NRF1: variants seen among roughly 807,000 people sequenced by gnomAD.
NRF1 encodes nuclear respiratory factor 1.
NRF1 carries 5 observed loss-of-function variants against 58.5 expected under a neutral mutation model. The observed-to-expected ratio is 0.09, with a 90% CI of 0.04 to 0.18. NRF1 has a LOEUF of 0.18. NRF1 is among the 10% of genes least tolerant of loss of function. The pLI is 1.00. For missense variants in NRF1, 288 were observed against 657.7 expected (o/e 0.44, Z 6.15); for synonymous variants, 224 against 246.7 (o/e 0.91, Z 0.86).
chr7:129,615,586 A>G (rs775103158), intron 1 of NRF1, among the ~76,000 whole-genome samples: 1 of 152,254 alleles, frequency 6.6e-6, no homozygotes, highest in Non-Finnish European at 1.5e-5. Context: ...TAGTGTTTTC[A>G]GCCTGAGCTT....
chr7:129,695,239 A>T (rs1473127293), intron 5 of NRF1, among the ~76,000 whole-genome samples: 4 of 152,096 alleles, frequency 2.6e-5, no homozygotes, highest in African/African-American at 9.7e-5. Flanking sequence ...AACATAAAAC[A>T]TGCCCACCTC....
intron 10 of NRF1, among the ~76,000 whole-genome samples, chr7:129,753,250 A>C (rs1036118402): frequency 5.9e-5 from 9 of 152,212 alleles, no homozygotes; most frequent in African/African-American, 2.2e-4. Context: ...TCTCTGGGTC[A>C]GTTTCTCAAT....
chr7:129,674,941 A>G (rs1488656325), intron 3 of NRF1, among the ~76,000 whole-genome samples: 2 of 152,148 alleles, frequency 1.3e-5, no homozygotes, highest in Non-Finnish European at 2.9e-5. Context: ...CCTTTCCTGA[A>G]CGATTTCTCT....
chr7:129,713,905 T>C (rs879918482), intron 8 of NRF1, among the ~76,000 whole-genome samples: 1 of 152,234 alleles, frequency 6.6e-6, no homozygotes, highest in Non-Finnish European at 1.5e-5. Context: ...ATTCAGTGCA[T>C]TGACTTGTGA....
chr7:129,753,003 A>G (rs1460452053), intron 10 of NRF1, among the ~76,000 whole-genome samples: 4 of 152,226 alleles, frequency 2.6e-5, no homozygotes, highest in East Asian at 3.8e-4. Flanking sequence ...ATGCGTCACC[A>G]TAACAGCAAG....
chr7:129,747,964 C>T (rs976862099), intron 10 of NRF1, among the ~76,000 whole-genome samples: 1 of 152,118 alleles, frequency 6.6e-6, no homozygotes, highest in African/African-American at 2.4e-5. Context: ...CTACTGTGTT[C>T]AAGTTGCTCA....
chr7:129,684,750 G>A (rs1777753594), intron 4 of NRF1, among the ~76,000 whole-genome samples: 1 of 152,206 alleles, frequency 6.6e-6, no homozygotes, highest in Non-Finnish European at 1.5e-5. Flanking sequence ...TATGTGGAAA[G>A]TAGTATAGTG....
intron 1 of NRF1, chr7:129,641,771 C>T (rs1801293484): frequency 6.6e-6 from 1 of 151,642 alleles, no homozygotes; most frequent in Non-Finnish European, 1.5e-5. Flanking sequence ...CTTCCACATC[C>T]CGGGTTCAAG....
intron 1 of NRF1, among the ~76,000 whole-genome samples, chr7:129,655,645 C>T (rs533960321): frequency 4.9e-4 from 74 of 152,194 alleles, no homozygotes; most frequent in African/African-American, 1.6e-3. Context: ...CCTCAGCCTC[C>T]TGAGTAGCTG....
intron 5 of NRF1, among the ~76,000 whole-genome samples, chr7:129,696,448 G>A (rs1802701054): frequency 6.6e-6 from 1 of 152,138 alleles, no homozygotes; most frequent in Non-Finnish European, 1.5e-5. Context: ...ACCTTTCTGT[G>A]TGTGTGTATG....
chr7:129,622,750 A>G (rs751125727), intron 1 of NRF1, among the ~76,000 whole-genome samples: 11 of 151,916 alleles, frequency 7.2e-5, no homozygotes, highest in Non-Finnish European at 1.2e-4. Flanking sequence ...TTGCATTTTT[A>G]GTTGAGACAG....
chr7:129,747,406 A>G (rs1804000828), intron 10 of NRF1, among the ~76,000 whole-genome samples: 1 of 152,162 alleles, frequency 6.6e-6, no homozygotes, highest in African/African-American at 2.4e-5. Context: ...GCTTCCTGGC[A>G]GGAGAAAATC....
At chr7:129,752,191 G>A (rs1169026047) in intron 10 of NRF1, among the ~76,000 whole-genome samples, 1 of 152,224 alleles carries the variant, frequency 6.6e-6, no homozygotes, top group Non-Finnish European at 1.5e-5. Context: ...GGCCTCCTGT[G>A]AATCCAGAGG....
chr7:129,752,604 C>T (rs948858105), intron 10 of NRF1, among the ~76,000 whole-genome samples: 1 of 152,096 alleles, frequency 6.6e-6, no homozygotes, highest in Non-Finnish European at 1.5e-5. Context: ...GTAATCCTAG[C>T]ACTTTGGAAA....
intron 1 of NRF1, among the ~76,000 whole-genome samples, chr7:129,632,384 A>G (rs533244800): frequency 6.6e-6 from 1 of 152,348 alleles, no homozygotes; most frequent in Admixed American, 6.5e-5. Flanking sequence ...TGTTTTTAGT[A>G]TGACTACAGT....
chr7:129,697,119 A>G (rs928604462), intron 5 of NRF1, among the ~76,000 whole-genome samples: 3 of 152,152 alleles, frequency 2.0e-5, no homozygotes, highest in African/African-American at 7.2e-5. Context: ...TCTCTCAGCC[A>G]TGCTTTATTA....
At chr7:129,670,129 G>C (rs533014097) in intron 2 of NRF1, among the ~76,000 whole-genome samples, 1 of 152,294 alleles carries the variant, frequency 6.6e-6, no homozygotes, top group Non-Finnish European at 1.5e-5. Flanking sequence ...CTTATAGAAG[G>C]TATCTAAAAT....
At chr7:129,749,537 C>T (rs1233892082) in intron 10 of NRF1, among the ~76,000 whole-genome samples, 3 of 151,850 alleles carry the variant, frequency 2.0e-5, no homozygotes, top group Non-Finnish European at 2.9e-5. Context: ...TGCTGCTTGA[C>T]GAGGAAATCT....
intron 1 of NRF1, among the ~76,000 whole-genome samples, chr7:129,650,049 G>C (rs1039971253): frequency 6.6e-6 from 1 of 152,144 alleles, no homozygotes; most frequent in Non-Finnish European, 1.5e-5. Context: ...CACTGTGTCC[G>C]GCCAAGAAGG....
Sources: gnomAD v4.1 joint callset for allele counts (sites outside exome capture counted in the v4.1 genomes callset) on GRCh38, gnomAD v4.1.1 for gene constraint, MANE v1.5 for transcripts, NCBI Gene and HGNC (gene_info 2026-07-23, HGNC 2026-07-21) for gene names.